The following STYK1 variants were observed in gnomAD, a reference collection of about 807,000 sequenced individuals.
The protein encoded by STYK1 is tyrosine-protein kinase STYK1.
A neutral mutation model predicts 48.1 loss-of-function variants in STYK1; 46 were observed. The observed-to-expected ratio is 0.96, with a 90% CI of 0.75 to 1.22. The LOEUF (loss-of-function observed/expected upper bound fraction) is 1.22. STYK1 is among the 50% of genes most tolerant of loss of function. The pLI, the probability that STYK1 is intolerant of heterozygous loss-of-function variation, is 0.00. For synonymous variants in STYK1, 188 were observed against 189.0 expected, an observed-to-expected ratio of 0.99 and a Z score of 0.04; for missense variants, 527 against 521.1, an observed-to-expected ratio of 1.01 and a Z score of -0.11.
At chr12:10,668,123 T>C (rs143037040) in intron 1 of STYK1, among the ~76,000 whole-genome samples, 1 of 148,466 alleles carries the variant, frequency 6.7e-6, no homozygotes. Flanking sequence ...AATAAAATAC[T>C]TTTTTTTTTA....
chr12:10,629,189 C>T (rs1199896478), intron 6 of STYK1, among the ~76,000 whole-genome samples: 4 of 152,144 alleles, frequency 2.6e-5, no homozygotes, highest in Admixed American at 2.0e-4. Flanking sequence ...CATTAGCCAC[C>T]TGTGGCTATT....
chr12:10,650,396 G>A (rs1268860242), intron 1 of STYK1, among the ~76,000 whole-genome samples: 1 of 152,176 alleles, frequency 6.6e-6, no homozygotes, highest in Non-Finnish European at 1.5e-5. Flanking sequence ...ATTCTAGTGA[G>A]AATTAATAAG....
intron 1 of STYK1, among the ~76,000 whole-genome samples, chr12:10,655,453 A>G (rs1452395268): frequency 6.6e-6 from 1 of 152,216 alleles, no homozygotes; most frequent in Non-Finnish European, 1.5e-5. Flanking sequence ...CCAATGCTGT[A>G]GCTTAGTAGC....
chr12:10,638,662 G>A (rs1001291928), intron 1 of STYK1, among the ~76,000 whole-genome samples: 3 of 152,132 alleles, frequency 2.0e-5, no homozygotes, highest in African/African-American at 4.8e-5. Context: ...TTTTCAGTTA[G>A]CACAATACAG....
In STYK1 at chr12:10,660,968, A is replaced by G. The variant is rs114941029; in HGVS notation, c.-195+12998T>C. 7.0e-3 allele frequency among the ~76,000 whole-genome samples: 1,058 copies of G among 152,216 alleles called. 12 individuals are homozygous for G. The highest frequency in any genetic ancestry group is 0.023 in the African/African-American group (973 of 41,528). ...AGTAACCCACACCGCTGCTCTGCCT[A>G]TTCCTTTCTTAGTAAGCTTACTTTC... On this transcript the variant is annotated intron_variant, in intron 1 of 10. Transcript: ENST00000075503.
intron 4 of STYK1, among the ~76,000 whole-genome samples, chr12:10,633,418 T>C (rs751660139): frequency 1.3e-5 from 2 of 152,220 alleles, no homozygotes; most frequent in African/African-American, 2.4e-5. Flanking sequence ...TTAGCCACTA[T>C]AGAGTTTCAT....
At chr12:10,651,118 G>A (rs1947658584) in intron 1 of STYK1, among the ~76,000 whole-genome samples, 1 of 152,078 alleles carries the variant, frequency 6.6e-6, no homozygotes, top group Non-Finnish European at 1.5e-5. Flanking sequence ...CAATTCTACT[G>A]CAGCTAGCTT....
Position 10,634,105 on chromosome 12 carries a change from A to G in STYK1, c.72T>C (p.Tyr24=), listed in dbSNP as rs201463727. 1 of 1,613,780 alleles carries G rather than the reference A, an allele frequency of 6.2e-7. No homozygotes were observed. The highest frequency in any genetic ancestry group is 8.5e-7 in the Non-Finnish European group (1 of 1,179,974). The part of the protein sequence containing the change: ...DKLCVIQEKQ[Y]EVIIVPTLLV... The stretch of plus-strand genomic sequence containing the variant: ...ACAAAGTTGGGACGATAATCACTTC[A>G]TACTGCTTCTCCTGGATGACTGGGT... Residue 24 remains tyrosine (Y), a synonymous_variant, in exon 4 of 11, where the codon TAT becomes TAC. Coordinates refer to ENST00000075503, the MANE Select transcript of STYK1 (RefSeq NM_018423.3).
rs910750703 is a variant in STYK1 at position 10,619,051 on chromosome 12, C to T, written c.*1093G>A. On this transcript the variant is annotated 3_prime_UTR_variant, in exon 11 of 11. Coordinates refer to ENST00000075503, the MANE Select transcript of STYK1 (RefSeq NM_018423.3). The stretch of plus-strand genomic sequence containing the variant: ...GTGAAATAGGTATTATCCCCATTTA[C>T]ACATAAAGAATCCCTTTTCTGACAT... 1.3e-5 allele frequency: 2 copies of T among 152,206 alleles called. No individual in the cohort carries two copies. Among genetic ancestry groups the T allele is most frequent in the African/African-American group, 4.8e-5 (2 of 41,446 alleles). The allele number at this position is 152,206 out of a possible 1,614,324, so 9.4% of individuals were successfully genotyped here. A position where few individuals can be genotyped will look rare whatever the true frequency, so the allele number is the denominator to read the frequency against.
Position 10,621,964 on chromosome 12 carries a change from G to A in STYK1, c.976C>T (p.Pro326Ser), listed in dbSNP as rs773702820. 3 of 1,613,616 alleles carry A rather than the reference G, an allele frequency of 1.9e-6. No homozygotes were observed. The highest frequency in any genetic ancestry group is 3.3e-5 in the Admixed American group (2 of 60,010). The change falls in exon 10 of 11, where the codon CCG (proline) becomes TCG (serine). Residue 326 changes from proline (P) to serine (S), a missense_variant. Coordinates refer to ENST00000075503, the MANE Select transcript of STYK1 (RefSeq NM_018423.3). ...CTGGTAGGAGGGACTTCAGGATACG[G>A]TGGTGCTCCTGTCATTACGAAAATA... is the stretch of plus-strand genomic sequence containing the variant. ...LYEMVTLGAP[P>S]YPEVPPTSIL...
intron 1 of STYK1, 106 bp downstream of exon 1, chr12:10,673,860 T>A (rs1212758279): frequency 1.3e-5 from 2 of 152,424 alleles, no homozygotes; most frequent in African/African-American, 4.8e-5. Flanking sequence ...CTTCCCTTTT[T>A]CTCCCTCCCC....
chr12:10,649,483 T>TAC (rs1947636367), intron 1 of STYK1, among the ~76,000 whole-genome samples: 2 of 152,138 alleles, frequency 1.3e-5, no homozygotes, highest in South Asian at 4.1e-4. Context: ...TTTAATGAGG[T>TAC]ATATATGGCA....
chr12:10,646,564 C>T (rs1454454417), intron 1 of STYK1, among the ~76,000 whole-genome samples: 2 of 152,166 alleles, frequency 1.3e-5, no homozygotes, highest in Admixed American at 1.3e-4. Flanking sequence ...AATTTGCAGC[C>T]TGACAATGTG....
chr12:10,627,939 T>C (rs188243850), intron 6 of STYK1, among the ~76,000 whole-genome samples: 21 of 152,314 alleles, frequency 1.4e-4, no homozygotes, highest in African/African-American at 5.1e-4. Context: ...CATAGATGAA[T>C]AGCAGGTAAG....
chr12:10,645,555 A>C (rs973166364), intron 1 of STYK1, among the ~76,000 whole-genome samples: 7 of 152,198 alleles, frequency 4.6e-5, no homozygotes, highest in African/African-American at 1.7e-4. Flanking sequence ...CACACACTGA[A>C]AAACAGAGAG....
chr12:10,649,379 C>T (rs1192265845), intron 1 of STYK1, among the ~76,000 whole-genome samples: 1 of 152,022 alleles, frequency 6.6e-6, no homozygotes, highest in Non-Finnish European at 1.5e-5. Context: ...TACAGTTGGA[C>T]CATGGAATAC....
At chr12:10,646,562 G>A (rs1399796340) in intron 1 of STYK1, among the ~76,000 whole-genome samples, 1 of 152,224 alleles carries the variant, frequency 6.6e-6, no homozygotes, top group East Asian at 1.9e-4. Flanking sequence ...AAAATTTGCA[G>A]CCTGACAATG....
chr12:10,647,038 G>A (rs1317864848), intron 1 of STYK1, among the ~76,000 whole-genome samples: 1 of 152,248 alleles, frequency 6.6e-6, no homozygotes, highest in Non-Finnish European at 1.5e-5. Flanking sequence ...GGCCCTCATG[G>A]AGAACCTTTG....
intron 1 of STYK1, among the ~76,000 whole-genome samples, chr12:10,671,213 C>G (rs1947888724): frequency 6.6e-6 from 1 of 151,990 alleles, no homozygotes; most frequent in Non-Finnish European, 1.5e-5. Context: ...CCAGGATGGT[C>G]TCGATCTCCT....
Sources: gnomAD v4.1 joint callset for allele counts (sites outside exome capture counted in the v4.1 genomes callset) on GRCh38, gnomAD v4.1.1 for gene constraint, MANE v1.5 for transcripts, NCBI Gene and HGNC (gene_info 2026-07-23, HGNC 2026-07-21) for gene names.